EBF2: variants seen among roughly 807,000 people sequenced by gnomAD.
EBF2 encodes EBF transcription factor 2, also known as transcription factor COE2.
Under a neutral mutation model 72.8 loss-of-function variants are expected in EBF2, and 21 were observed. That is an observed-to-expected ratio of 0.29 (90% CI 0.20 to 0.42). The LOEUF (loss-of-function observed/expected upper bound fraction) is 0.42. Among genes scored for constraint, EBF2 ranks in the 10% least tolerant of loss-of-function variants. The pLI is 1.00. For missense variants in EBF2, 637 were observed against 731.2 expected (o/e 0.87, Z 1.49); for synonymous variants, 299 against 274.2 (o/e 1.09, Z -0.89).
At chr8:25,865,905 G>A (rs1322140719) in intron 10 of EBF2, among the ~76,000 whole-genome samples, 1 of 151,664 alleles carries the variant, frequency 6.6e-6, no homozygotes, top group Non-Finnish European at 1.5e-5. Flanking sequence ...GGTGCCTGTA[G>A]TCCCAGCTAC....
At chr8:25,999,631 C>T (rs1804689560) in intron 6 of EBF2, among the ~76,000 whole-genome samples, 1 of 141,392 alleles carries the variant, frequency 7.1e-6, no homozygotes, top group Non-Finnish European at 1.6e-5. Flanking sequence ...TGGATCTTGT[C>T]TTTCCTCTTT....
chr8:26,023,420 G>A (rs1805235255), intron 6 of EBF2, among the ~76,000 whole-genome samples: 1 of 152,162 alleles, frequency 6.6e-6, no homozygotes, highest in Non-Finnish European at 1.5e-5. Context: ...TAAGGAAGAA[G>A]CTGGAAGTTG....
At chr8:25,895,632 C>T (rs1802853570) in intron 7 of EBF2, among the ~76,000 whole-genome samples, 1 of 152,154 alleles carries the variant, frequency 6.6e-6, no homozygotes, top group South Asian at 2.1e-4. Flanking sequence ...TTTTCATTCC[C>T]CAAAAGTTCT....
intron 6 of EBF2, among the ~76,000 whole-genome samples, chr8:25,945,695 A>G (rs1194661701): frequency 1.3e-5 from 2 of 151,808 alleles, no homozygotes; most frequent in Non-Finnish European, 1.5e-5. Flanking sequence ...GTCCCTGAAT[A>G]ATAGGTCTGT....
intron 10 of EBF2, among the ~76,000 whole-genome samples, chr8:25,879,267 C>G (rs1441919688): frequency 6.6e-6 from 1 of 152,054 alleles, no homozygotes; most frequent in Non-Finnish European, 1.5e-5. Context: ...TTTTTAATGT[C>G]TCTAAAAAAG....
chr8:25,942,759 G>A (rs759966865), intron 6 of EBF2, among the ~76,000 whole-genome samples: 12 of 152,174 alleles, frequency 7.9e-5, no homozygotes, highest in South Asian at 2.1e-4. Context: ...TGTGAAAACC[G>A]GAACAGCCTT....
intron 8 of EBF2, among the ~76,000 whole-genome samples, chr8:25,888,201 G>A (rs183458280): frequency 6.6e-6 from 1 of 152,308 alleles, no homozygotes; most frequent in African/African-American, 2.4e-5. Flanking sequence ...CAAAGGATTG[G>A]ACACACCACA....
intron 6 of EBF2, chr8:26,032,052 T>C (rs1362167046): frequency 1.3e-5 from 2 of 152,212 alleles, no homozygotes; most frequent in Non-Finnish European, 1.5e-5. Flanking sequence ...AAAGCTGCCA[T>C]TGATATTTCA....
chr8:26,004,341 C>T (rs1028413615), intron 6 of EBF2, among the ~76,000 whole-genome samples: 4 of 152,056 alleles, frequency 2.6e-5, no homozygotes, highest in Non-Finnish European at 5.9e-5. Context: ...GCCCAACTTC[C>T]AAATTGTACT....
chr8:25,967,678 G>A (rs1457937448), intron 6 of EBF2, among the ~76,000 whole-genome samples: 1 of 152,166 alleles, frequency 6.6e-6, no homozygotes, highest in East Asian at 1.9e-4. Context: ...TGGGGGCAAG[G>A]GTGAGGATGC....
chr8:25,922,148 C>T (rs1803315170), intron 6 of EBF2, among the ~76,000 whole-genome samples: 1 of 152,056 alleles, frequency 6.6e-6, no homozygotes, highest in African/African-American at 2.4e-5. Flanking sequence ...TTGCTGAAAA[C>T]CAGAACCTGA....
At chr8:25,929,396 G>T (rs573416354) in intron 6 of EBF2, among the ~76,000 whole-genome samples, 1 of 152,170 alleles carries the variant, frequency 6.6e-6, no homozygotes. Flanking sequence ...AAAACATTTT[G>T]TCAGGGTCTA....
intron 6 of EBF2, among the ~76,000 whole-genome samples, chr8:25,950,108 T>C (rs939750824): frequency 4.6e-5 from 7 of 152,300 alleles, no homozygotes; most frequent in Non-Finnish European, 8.8e-5. Context: ...CTATAAACCA[T>C]GGCCACCTTA....
chr8:25,887,392 C>A (rs1360102559), intron 9 of EBF2, among the ~76,000 whole-genome samples: 2 of 152,194 alleles, frequency 1.3e-5, no homozygotes, highest in African/African-American at 4.8e-5. Context: ...GAAAGTCAAA[C>A]ACATCCAATT....
rs1231714222 is a variant in EBF2, at chr8:25,908,542, A to T, written c.565T>A (p.Phe189Ile). 3.1e-6 allele frequency: 5 copies of T among 1,611,086 alleles called. No individual in the cohort carries two copies. The highest frequency in any genetic ancestry group is 1.6e-4 in the Middle Eastern group (1 of 6,078). ...CAATTCTGATTGCACTTGAGGAAAA[A>T]TTTTAAAAAGAATCTGTGAAGAGAA... is the stretch of plus-strand genomic sequence containing the variant. ...PVIIDRFFLK[F>I]FLKCNQNCLK... Residue 189 changes from phenylalanine (F) to isoleucine (I), a missense_variant, in exon 7 of 16, where the codon TTT (phenylalanine) becomes ATT (isoleucine). This residue lies in a region of EBF2 where 204 missense variants were observed against 301.2 expected (regional missense o/e 0.68). Transcript: ENST00000520164.
At chr8:25,928,040 C>T (rs1365302076) in intron 6 of EBF2, among the ~76,000 whole-genome samples, 1 of 152,128 alleles carries the variant, frequency 6.6e-6, no homozygotes, top group East Asian at 1.9e-4. Flanking sequence ...TGTCTCCTCT[C>T]CTATCCTCCA....
intron 10 of EBF2, among the ~76,000 whole-genome samples, chr8:25,883,415 C>CTT (rs34634008): frequency 2.0e-5 from 3 of 146,348 alleles, no homozygotes; most frequent in Non-Finnish European, 4.5e-5. Context: ...AGCCATCTCC[C>CTT]TTTTTTTTTT....
intron 6 of EBF2, among the ~76,000 whole-genome samples, chr8:25,948,623 T>C (rs555899471): frequency 2.6e-5 from 4 of 152,344 alleles, no homozygotes; most frequent in African/African-American, 9.6e-5. Context: ...GGTGACACTG[T>C]TGAGGGGCCT....
At chr8:26,038,077 C>G (rs1485437656) in intron 5 of EBF2, among the ~76,000 whole-genome samples, 2 of 152,182 alleles carry the variant, frequency 1.3e-5, no homozygotes, top group African/African-American at 4.8e-5. Flanking sequence ...AACTTTTCCC[C>G]CTTCCTGGAG....
Sources: gnomAD v4.1 joint callset for allele counts (sites outside exome capture counted in the v4.1 genomes callset) on GRCh38, gnomAD v4.1.1 for gene constraint, gnomAD v4.1.1 regional missense constraint, MANE v1.5 for transcripts, NCBI Gene and HGNC (gene_info 2026-07-23, HGNC 2026-07-21) for gene names.